Variants in C2orf42 observed in about 807,000 individuals in gnomAD.
C2orf42 encodes the protein chromosome 2 open reading frame 42.
A neutral mutation model predicts 58.9 loss-of-function variants in C2orf42; 44 were observed. That is an observed-to-expected ratio of 0.75 (90% confidence interval 0.59 to 0.96). C2orf42 has a LOEUF of 0.96. Ranked by LOEUF, C2orf42 falls within the 40% of genes least tolerant of loss-of-function variation. C2orf42 has a pLI of 0.00. For missense variants in C2orf42, 630 were observed against 699.2 expected (o/e 0.90, Z 1.12); for synonymous variants, 239 against 265.4 (o/e 0.90, Z 0.97).
At position 70,151,463 on chromosome 2, in the gene C2orf42, G is replaced by A. The variant is rs1239827867; in HGVS notation, c.1517-899C>T. On this transcript the variant is annotated intron_variant, in intron 9 of 9. Transcript: ENST00000264434. Reference sequence around the variant, plus strand: ...CCAGCCTGACCAACACGGCAAAACCGTCTCTACTAAAAATACAAAGATTAT... The same window carrying A: ...CCAGCCTGACCAACACGGCAAAACCATCTCTACTAAAAATACAAAGATTAT... Among the ~76,000 whole-genome samples, 13 of 152,024 alleles carry A rather than the reference G, an allele frequency of 8.6e-5. 1 individual carries two copies. Among genetic ancestry groups the A allele is most frequent in the South Asian group, 6.2e-4 (3 of 4,812 alleles).
chr2:70,169,339 T>C (rs981856365), intron 6 of C2orf42, among the ~76,000 whole-genome samples: 27 of 152,164 alleles, frequency 1.8e-4, no homozygotes, highest in African/African-American at 6.3e-4. Context: ...TTATTTGCTA[T>C]GTTTTTTCTC....
intron 9 of C2orf42, among the ~76,000 whole-genome samples, chr2:70,152,797 G>A (rs1429423738): frequency 2.0e-5 from 3 of 152,182 alleles, no homozygotes; most frequent in African/African-American, 7.2e-5. Context: ...CACTTTGGGA[G>A]GCCAAGCCGG....
At chr2:70,179,392 GACCCCTGTCTCTTTATTTTAATA>G in intron 4 of C2orf42, 117 bp downstream of exon 4, 1 of 324,304 alleles carries the variant, frequency 3.1e-6, no homozygotes, top group Non-Finnish European at 5.6e-6. Flanking sequence ...AAGATGGTAA[GACCCCTGTCTCTTTATTTTAATA>G]AAAATAAAAT....
At chr2:70,186,097 C>G (rs1280512846) in intron 1 of C2orf42, among the ~76,000 whole-genome samples, 2 of 151,756 alleles carry the variant, frequency 1.3e-5, no homozygotes, top group African/African-American at 4.8e-5. Context: ...AGCCTGTTCA[C>G]ACAGCATTCC....
At chr2:70,154,544 T>C (rs1223822775) in intron 9 of C2orf42, among the ~76,000 whole-genome samples, 1 of 150,108 alleles carries the variant, frequency 6.7e-6, no homozygotes, top group Non-Finnish European at 1.5e-5. Context: ...ACAGAAAGAT[T>C]AGAAATAGAC....
intron 1 of C2orf42, among the ~76,000 whole-genome samples, chr2:70,187,752 G>A (rs533683389): frequency 1.3e-5 from 2 of 151,644 alleles, no homozygotes; most frequent in East Asian, 2.0e-4. Flanking sequence ...GTGCAGTGGC[G>A]TGATCTCACC....
At chr2:70,182,622 T>C (rs1674656892) in intron 2 of C2orf42, 45 bp downstream of exon 2, 1 of 152,174 alleles carries the variant, frequency 6.6e-6, no homozygotes, top group Non-Finnish European at 1.5e-5. Flanking sequence ...AAAGATGAGT[T>C]TTTTTCCCTT....
chr2:70,168,375 C>T lies in C2orf42; in HGVS notation c.1144+1182G>A, dbSNP rs374312467. Among the ~76,000 whole-genome samples the T allele has an allele frequency of 1.4e-4, 20 of 144,134 alleles. No homozygotes were observed. The East Asian group carries it at 3.4e-3, about 25-fold the overall frequency. 94.6% of individuals were successfully genotyped at this position (144,134 alleles called of 152,430 possible). ...CAATCTCAGATCACTGTAAGCTCCA[C>T]CTCCTGGGTTCACGCCATTCTCCTG... On this transcript the variant is annotated intron_variant, in intron 6 of 9. Transcript: ENST00000264434.
intron 5 of C2orf42, 151 bp from the exon 6 acceptor site, chr2:70,169,812 T>C: frequency 1.8e-6 from 1 of 550,368 alleles, no homozygotes; most frequent in South Asian, 2.1e-5. Flanking sequence ...CAGGCTGGAG[T>C]GCAGTGCACA....
chr2:70,156,933 T>A (rs2104841120), intron 9 of C2orf42, among the ~76,000 whole-genome samples: 1 of 152,214 alleles, frequency 6.6e-6, no homozygotes, highest in East Asian at 1.9e-4. Context: ...GTCACTGTTG[T>A]AATACTGGAC....
At position 70,165,172 on chromosome 2, in the gene C2orf42, A is replaced by G. The variant is rs766608711; in HGVS notation, c.1273T>C (p.Leu425=). The G allele has an allele frequency of 3.7e-6, 6 of 1,607,192 alleles. No individual in the cohort carries two copies. The part of the protein sequence containing the change: ...STTAFVRKDA[L]PLGTFSKYTW... ...TACTTGGAAAAGGTTCCCAGTGGCA[A>G]GGCATCTTTCCGAACAAAAGCTTCA... Residue 425 remains leucine (L), a synonymous_variant, in exon 8 of 10, where the codon TTG becomes CTG. Coordinates refer to ENST00000264434, the MANE Select transcript of C2orf42 (RefSeq NM_017880.3).
chr2:70,173,079 C>T (rs1321343059), intron 5 of C2orf42, among the ~76,000 whole-genome samples: 5 of 151,788 alleles, frequency 3.3e-5, no homozygotes, highest in African/African-American at 1.2e-4. Context: ...ACGAGATGAA[C>T]CTGGGAGGCG....
chr2:70,185,309 G>C (rs1346440433), intron 1 of C2orf42, among the ~76,000 whole-genome samples: 9 of 152,094 alleles, frequency 5.9e-5, no homozygotes, highest in Non-Finnish European at 1.5e-5. Context: ...TCCGGAGGCT[G>C]AGGCAGGGGA....
intron 1 of C2orf42, among the ~76,000 whole-genome samples, chr2:70,185,007 G>A (rs2103659653): frequency 6.6e-6 from 1 of 151,466 alleles, no homozygotes; most frequent in East Asian, 2.0e-4. Context: ...GGAGAATGGC[G>A]TGAACCCGGG....
Position 70,181,599 on chromosome 2 carries a change from CACA to C in C2orf42, c.384_386del (p.Val129del). On this transcript the variant is annotated inframe_deletion, in exon 3 of 10. Coordinates refer to ENST00000264434, the MANE Select transcript of C2orf42 (RefSeq NM_017880.3). ...GCTTGATGTGCTGGCACTGGTTTTCCACAACGCCTTGAGTGGCAGCTTTCAGGC... is the reference window on the plus strand; with the variant it reads ...GCTTGATGTGCTGGCACTGGTTTTCCACGCCTTGAGTGGCAGCTTTCAGGC... 5.6e-6 allele frequency: 9 copies of C among 1,614,096 alleles called. No homozygotes were observed. The highest frequency in any genetic ancestry group is 7.6e-6 in the Non-Finnish European group (9 of 1,180,020).
intron 1 of C2orf42, among the ~76,000 whole-genome samples, chr2:70,186,582 A>G (rs956373064): frequency 6.6e-6 from 1 of 152,338 alleles, no homozygotes; most frequent in South Asian, 2.1e-4. Context: ...TAGAAATACC[A>G]TTTGACCATC....
At chr2:70,190,502 C>A (rs1558697996) in intron 1 of C2orf42, 1 of 152,232 alleles carries the variant, frequency 6.6e-6, no homozygotes. Flanking sequence ...GAAACTGTTA[C>A]TCAGATTTGA....
chr2:70,155,809 G>A (rs113428081), intron 9 of C2orf42, among the ~76,000 whole-genome samples: 2,232 of 141,288 alleles, frequency 0.016, 60 homozygotes, highest in African/African-American at 0.053. Flanking sequence ...CAAAAAAAAA[G>A]AAAAAAAAAA....
chr2:70,164,110 G>C (rs1488838706), intron 8 of C2orf42, among the ~76,000 whole-genome samples: 2 of 151,148 alleles, frequency 1.3e-5, no homozygotes. Flanking sequence ...CCAGGAATTT[G>C]AGACCAGCCT....
Sources: allele counts gnomAD v4.1 joint callset (sites outside exome capture counted in the v4.1 genomes callset), GRCh38; gene constraint gnomAD v4.1.1; transcripts MANE v1.5; gene names NCBI Gene and HGNC (gene_info 2026-07-23, HGNC 2026-07-21).